Variants in MCF2L2 observed in about 807,000 individuals in gnomAD.
MCF2L2 encodes probable guanine nucleotide exchange factor MCF2L2.
A neutral mutation model predicts 150.2 loss-of-function variants in MCF2L2; 102 were observed. The ratio of observed to expected loss-of-function variants is 0.68; its 90% confidence interval spans 0.58 to 0.80. MCF2L2 has a LOEUF of 0.80. Among genes scored for constraint, MCF2L2 ranks in the 30% least tolerant of loss-of-function variants. MCF2L2 has a pLI of 0.00. For synonymous variants in MCF2L2, 465 were observed against 491.3 expected (o/e 0.95, Z 0.71); for missense variants, 1,256 against 1,372.8 (o/e 0.91, Z 1.34).
chr3:183,360,206 G>A (rs1395481287), intron 3 of MCF2L2, among the ~76,000 whole-genome samples: 1 of 152,164 alleles, frequency 6.6e-6, no homozygotes, highest in African/African-American at 2.4e-5. Flanking sequence ...ATCAAAGAGA[G>A]CTTCTAAGAT....
At chr3:183,316,908 G>A (rs1408302658) in intron 7 of MCF2L2, among the ~76,000 whole-genome samples, 1 of 151,692 alleles carries the variant, frequency 6.6e-6, no homozygotes, top group Non-Finnish European at 1.5e-5. Context: ...GTTTCACCAT[G>A]TTGGCCAGGC....
At chr3:183,259,416 C>A (rs181916493) in intron 15 of MCF2L2, among the ~76,000 whole-genome samples, 33 of 152,216 alleles carry the variant, frequency 2.2e-4, no homozygotes, top group African/African-American at 7.7e-4. Context: ...GATAGGAGAA[C>A]TTGTATTTTT....
rs148585637 is a variant in MCF2L2 at position 183,207,754 on chromosome 3, G to A, written c.2566C>T (p.Arg856Cys). The A allele has an allele frequency of 2.0e-4, 323 of 1,614,030 alleles. No individual in the cohort carries two copies. Among genetic ancestry groups the A allele is most frequent in the Non-Finnish European group, 2.5e-4 (290 of 1,180,036 alleles). Residue 856 changes from arginine to cysteine, a missense_variant, in exon 23 of 30, where the codon CGT becomes TGT. Transcript: ENST00000328913. ...PFSVWTIHKD[R>C]YKMKDLIRFK... ...CGAATCAAATCCTTCATTTTATAAC[G>A]ATCCTTGTGAATTGTCCAGACGCTG...
chr3:183,187,942 A>C (rs1310768858), intron 27 of MCF2L2, among the ~76,000 whole-genome samples: 1 of 152,208 alleles, frequency 6.6e-6, no homozygotes, highest in East Asian at 1.9e-4. Flanking sequence ...ATAGACCAGC[A>C]GGCAAAGAGA....
At chr3:183,332,448 A>C (rs1730310631) in intron 5 of MCF2L2, among the ~76,000 whole-genome samples, 1 of 152,206 alleles carries the variant, frequency 6.6e-6, no homozygotes, top group African/African-American at 2.4e-5. Flanking sequence ...ATATCGAGAT[A>C]AAGTAGATGT....
chr3:183,379,273 G>A (rs376525095), intron 3 of MCF2L2, 24 bp downstream of exon 3: 56 of 1,554,074 alleles, frequency 3.6e-5, no homozygotes, highest in South Asian at 4.7e-5. Flanking sequence ...TGCCTAAGGC[G>A]GCAGGACACT....
At chr3:183,276,612 A>G (rs1727164496) in intron 15 of MCF2L2, 1 of 402,020 alleles carries the variant, frequency 2.5e-6, no homozygotes, top group Non-Finnish European at 4.4e-6. Context: ...TACATGTAAT[A>G]TTCTCTTGAT....
intron 3 of MCF2L2, among the ~76,000 whole-genome samples, chr3:183,370,804 C>T (rs772365883): frequency 2.0e-5 from 3 of 152,188 alleles, no homozygotes; most frequent in Non-Finnish European, 2.9e-5. Context: ...CTTGCCAGTG[C>T]CACCATTTAC....
intron 4 of MCF2L2, among the ~76,000 whole-genome samples, chr3:183,339,627 C>T (rs1399697308): frequency 6.6e-6 from 1 of 152,118 alleles, no homozygotes; most frequent in African/African-American, 2.4e-5. Context: ...CAGAAAGTAT[C>T]GCCCACATCG....
intron 15 of MCF2L2, among the ~76,000 whole-genome samples, chr3:183,273,942 C>T (rs1232868827): frequency 6.6e-6 from 1 of 152,144 alleles, no homozygotes; most frequent in Non-Finnish European, 1.5e-5. Context: ...TGGCCAGGCG[C>T]CATGGCTCAC....
chr3:183,181,513 C>G lies in MCF2L2; in HGVS notation c.3017-1354G>C, dbSNP rs1201946476. Among the ~76,000 whole-genome samples the G allele has an allele frequency of 6.6e-6, 1 of 152,134 alleles. No homozygotes were observed. The highest frequency in any genetic ancestry group is 6.5e-5 in the Admixed American group (1 of 15,274). The stretch of plus-strand genomic sequence containing the variant: ...ACTGCCTCAGGGATGTGCCCCCTGC[C>G]TTCATCCTCCAGACAGGACTTGGGA... On this transcript the variant is annotated intron_variant, in intron 27 of 29. Transcript: ENST00000328913. The surrounding 1 kb of genome is among the most constrained non-coding windows in gnomAD (Gnocchi z 4.3).
chr3:183,373,700 T>C (rs1200236965), intron 3 of MCF2L2: 6 of 152,296 alleles, frequency 3.9e-5, no homozygotes, highest in African/African-American at 1.4e-4. Flanking sequence ...AATCCTGATG[T>C]AATTCATCTG....
chr3:183,340,810 G>A (rs1730665669), intron 4 of MCF2L2, among the ~76,000 whole-genome samples: 1 of 152,114 alleles, frequency 6.6e-6, no homozygotes, highest in Non-Finnish European at 1.5e-5. Context: ...AAGCGTGGTG[G>A]TGCACGCCTG....
At chr3:183,348,633 C>A (rs1730993874) in intron 3 of MCF2L2, among the ~76,000 whole-genome samples, 1 of 151,992 alleles carries the variant, frequency 6.6e-6, no homozygotes, top group African/African-American at 2.4e-5. Context: ...AAAAGATACA[C>A]TTTTGTGTAT....
rs748927787 is a variant in MCF2L2 at position 183,181,786 on chromosome 3, C to T, written c.3017-1627G>A. 1.2e-4 allele frequency among the ~76,000 whole-genome samples: 19 copies of T among 152,268 alleles called. No homozygotes were observed. Among genetic ancestry groups the T allele is most frequent in the Non-Finnish European group, 2.4e-4 (16 of 68,018 alleles). On this transcript the variant is annotated intron_variant, in intron 27 of 29. Coordinates refer to ENST00000328913, the MANE Select transcript of MCF2L2 (RefSeq NM_015078.4). This position sits in a 1 kb window ranked among gnomAD's most constrained non-coding sequence, Gnocchi z 4.3. ...GGGCTGCTAGGGACCATAGAGCCACCCACTGGGAGGCTGGCGGTTGGGCCT... is the reference window on the plus strand; with the variant it reads ...GGGCTGCTAGGGACCATAGAGCCACTCACTGGGAGGCTGGCGGTTGGGCCT...
chr3:183,262,616 G>A (rs1439204751), intron 15 of MCF2L2, among the ~76,000 whole-genome samples: 1 of 151,866 alleles, frequency 6.6e-6, no homozygotes, highest in Non-Finnish European at 1.5e-5. Flanking sequence ...GGGGAACTAG[G>A]GAGCCCATGA....
intron 25 of MCF2L2, among the ~76,000 whole-genome samples, chr3:183,195,721 C>G (rs955394327): frequency 6.6e-6 from 1 of 152,186 alleles, no homozygotes; most frequent in Non-Finnish European, 1.5e-5. Context: ...AGAGGCCCCC[C>G]ACTGCCTCCC....
At chr3:183,352,339 A>G (rs1035142166) in intron 3 of MCF2L2, among the ~76,000 whole-genome samples, 3 of 152,162 alleles carry the variant, frequency 2.0e-5, no homozygotes, top group Non-Finnish European at 4.4e-5. Flanking sequence ...CCTGGCCAAC[A>G]TGGCAAAACC....
At chr3:183,332,664 GTCT>G (rs1205740308) in intron 5 of MCF2L2, among the ~76,000 whole-genome samples, 1 of 152,186 alleles carries the variant, frequency 6.6e-6, no homozygotes, top group Non-Finnish European at 1.5e-5. Context: ...GAATTGATGA[GTCT>G]TCATTTCTGA....
Sources: allele counts gnomAD v4.1 joint callset (sites outside exome capture counted in the v4.1 genomes callset), GRCh38; gene constraint gnomAD v4.1.1; non-coding constraint Gnocchi (gnomAD v3.1); transcripts MANE v1.5; gene names NCBI Gene and HGNC (gene_info 2026-07-23, HGNC 2026-07-21).